Variants in GRID1 observed in about 807,000 individuals in gnomAD.
GRID1 encodes glutamate ionotropic receptor delta type subunit 1.
Under a neutral mutation model 98.0 loss-of-function variants are expected in GRID1, and 28 were observed. That is an observed-to-expected ratio of 0.29 (90% CI 0.21 to 0.39). GRID1 has a LOEUF of 0.39. Ranked by LOEUF, GRID1 falls within the 10% of genes least tolerant of loss-of-function variation. GRID1 has a pLI of 1.00. For missense variants in GRID1, 1,111 were observed against 1,340.5 expected, an observed-to-expected ratio of 0.83 and a Z score of 2.67; for synonymous variants, 553 against 538.5, an observed-to-expected ratio of 1.03 and a Z score of -0.37.
At chr10:85,707,976 G>A (rs1841539526) in intron 12 of GRID1, among the ~76,000 whole-genome samples, 1 of 151,982 alleles carries the variant, frequency 6.6e-6, no homozygotes, top group Non-Finnish European at 1.5e-5. Context: ...GGTCGGGGGT[G>A]TGGGGAGGGA....
intron 4 of GRID1, among the ~76,000 whole-genome samples, chr10:85,945,679 A>T (rs1430615694): frequency 6.6e-6 from 1 of 152,220 alleles, no homozygotes; most frequent in Non-Finnish European, 1.5e-5. Flanking sequence ...TGGGCTAGAA[A>T]ATTCTGTTTC....
At chr10:86,172,802 T>C (rs889039012) in intron 3 of GRID1, among the ~76,000 whole-genome samples, 1 of 152,132 alleles carries the variant, frequency 6.6e-6, no homozygotes, top group Admixed American at 6.5e-5. Context: ...GCACACAAGA[T>C]TCCTGTATAA....
chr10:86,357,057 C>A (rs1848542301), intron 2 of GRID1, among the ~76,000 whole-genome samples: 1 of 152,236 alleles, frequency 6.6e-6, no homozygotes, highest in Admixed American at 6.5e-5. Context: ...GGAGAAATGG[C>A]TCCAGGAGGA....
At chr10:86,326,883 C>T (rs946477222) in intron 2 of GRID1, among the ~76,000 whole-genome samples, 1 of 152,198 alleles carries the variant, frequency 6.6e-6, no homozygotes, top group African/African-American at 2.4e-5. Context: ...CACCTGTAAT[C>T]CCAGTACTTC....
chr10:85,915,583 TC>T (rs2131824063), intron 5 of GRID1, among the ~76,000 whole-genome samples: 1 of 150,266 alleles, frequency 6.7e-6, no homozygotes, highest in East Asian at 2.0e-4. Context: ...CTCAAACACA[TC>T]CACACACATA....
chr10:85,960,420 A>C (rs1446192345), intron 4 of GRID1, among the ~76,000 whole-genome samples: 1 of 152,218 alleles, frequency 6.6e-6, no homozygotes, highest in Non-Finnish European at 1.5e-5. Flanking sequence ...GGTTGTGATC[A>C]TATCATAGTA....
Position 86,364,171 on chromosome 10 carries a change from G to A in GRID1, c.80-75C>T, listed in dbSNP as rs371546655. 11 of 1,284,156 alleles carry A rather than the reference G, an allele frequency of 8.6e-6. No homozygotes were observed. The African/African-American group carries it at 1.6e-4, about 19-fold the overall frequency. 79.5% of individuals were successfully genotyped at this position (1,284,156 alleles called of 1,614,324 possible). On this transcript the variant is annotated intron_variant, in intron 1 of 15. Coordinates refer to ENST00000327946, the MANE Select transcript of GRID1 (RefSeq NM_017551.3). Reference sequence around the variant, plus strand: ...CGCTTCCCTTGGCCCGAGGGTCAAGGCACTCGCAGACCGATGATTGCCGGG... The same window carrying A: ...CGCTTCCCTTGGCCCGAGGGTCAAGACACTCGCAGACCGATGATTGCCGGG...
intron 4 of GRID1, among the ~76,000 whole-genome samples, chr10:86,121,963 C>A (rs1259897400): frequency 6.6e-6 from 1 of 152,200 alleles, no homozygotes; most frequent in Non-Finnish European, 1.5e-5. Flanking sequence ...TAGAAACGTT[C>A]CACTGGATAC....
At chr10:85,922,548 G>T in intron 4 of GRID1, among the ~76,000 whole-genome samples, 1 of 152,214 alleles carries the variant, frequency 6.6e-6, no homozygotes, top group East Asian at 1.9e-4. Flanking sequence ...TAACATTTGG[G>T]AACATTCCCC....
intron 4 of GRID1, among the ~76,000 whole-genome samples, chr10:86,029,684 T>C (rs1843160029): frequency 1.3e-5 from 2 of 152,042 alleles, no homozygotes; most frequent in Non-Finnish European, 2.9e-5. Context: ...TAACCTTGCT[T>C]ATTCTTGTGA....
chr10:85,821,401 C>A (rs1196844516), intron 8 of GRID1, among the ~76,000 whole-genome samples: 1 of 150,508 alleles, frequency 6.6e-6, no homozygotes, highest in Non-Finnish European at 1.5e-5. Context: ...CGTGTAATCC[C>A]AGCTACTCAG....
chr10:85,835,172 G>T (rs1842902105), intron 8 of GRID1, among the ~76,000 whole-genome samples: 1 of 152,140 alleles, frequency 6.6e-6, no homozygotes, highest in African/African-American at 2.4e-5. Flanking sequence ...TCTTCAAAAT[G>T]CATGAAGAAA....
intron 4 of GRID1, among the ~76,000 whole-genome samples, chr10:86,080,580 T>G (rs1390553240): frequency 6.6e-6 from 1 of 151,796 alleles, no homozygotes; most frequent in Non-Finnish European, 1.5e-5. Flanking sequence ...TTTTCACCAC[T>G]AGGTTTGGCC....
intron 5 of GRID1, among the ~76,000 whole-genome samples, chr10:85,888,390 C>T (rs1841147906): frequency 6.6e-6 from 1 of 152,222 alleles, no homozygotes; most frequent in Admixed American, 6.5e-5. Flanking sequence ...CTGGCAAACC[C>T]TTCCCAGATC....
At chr10:85,783,180 G>A (rs564351498) in intron 8 of GRID1, among the ~76,000 whole-genome samples, 26 of 152,232 alleles carry the variant, frequency 1.7e-4, no homozygotes, top group Admixed American at 1.0e-3. Context: ...ACTGTCTCCC[G>A]GGGGATCATA....
chr10:85,945,008 T>TA (rs1213664985), intron 4 of GRID1, among the ~76,000 whole-genome samples: 1 of 152,204 alleles, frequency 6.6e-6, no homozygotes, highest in Non-Finnish European at 1.5e-5. Context: ...CCCAGCAGAC[T>TA]ATAGAAATAA....
intron 12 of GRID1, among the ~76,000 whole-genome samples, chr10:85,653,655 A>G (rs968793951): frequency 1.3e-5 from 2 of 152,220 alleles, no homozygotes; most frequent in Non-Finnish European, 2.9e-5. Context: ...GACCTTTAAA[A>G]GGTGATTGGA....
intron 4 of GRID1, among the ~76,000 whole-genome samples, chr10:86,033,284 A>G (rs1360925032): frequency 6.6e-6 from 1 of 152,192 alleles, no homozygotes; most frequent in East Asian, 1.9e-4. Flanking sequence ...TGATCTAATT[A>G]TCATCATCAA....
chr10:85,616,015 C>T (rs1842783504), intron 14 of GRID1, among the ~76,000 whole-genome samples: 2 of 152,186 alleles, frequency 1.3e-5, no homozygotes, highest in African/African-American at 2.4e-5. Flanking sequence ...AATGTACCTA[C>T]CTCACAGGAT....
Sources: gnomAD v4.1 joint callset for allele counts (sites outside exome capture counted in the v4.1 genomes callset) on GRCh38, gnomAD v4.1.1 for gene constraint, MANE v1.5 for transcripts, NCBI Gene and HGNC (gene_info 2026-07-23, HGNC 2026-07-21) for gene names.